The following NRG3 variants were observed in gnomAD, a reference collection of about 807,000 sequenced individuals.
NRG3 encodes pro-neuregulin-3, membrane-bound isoform.
Under a neutral mutation model 66.9 loss-of-function variants are expected in NRG3, and 31 were observed. The ratio of observed to expected loss-of-function variants is 0.46; its 90% confidence interval spans 0.35 to 0.63. The LOEUF (loss-of-function observed/expected upper bound fraction) is 0.63, where lower values mean the gene tolerates loss of function less well. Among genes scored for constraint, NRG3 ranks in the 20% least tolerant of loss-of-function variants. The pLI is 0.00. For missense variants in NRG3, 910 were observed against 878.9 expected (o/e 1.04, Z -0.45); for synonymous variants, 393 against 359.4 (o/e 1.09, Z -1.06).
intron 1 of NRG3, among the ~76,000 whole-genome samples, chr10:82,136,459 T>G (rs549648539): frequency 3.9e-5 from 6 of 152,224 alleles, no homozygotes; most frequent in South Asian, 4.1e-4. Flanking sequence ...AGAAATGCCA[T>G]GCACAAGCCA....
Position 82,941,568 on chromosome 10 carries a change from T to A in NRG3, c.1055-9901T>A, listed in dbSNP as rs146656521. Among the ~76,000 whole-genome samples, 7 of 152,340 alleles carry A rather than the reference T, an allele frequency of 4.6e-5. No homozygotes were observed. In the East Asian group the frequency reaches 1.4e-3, roughly 29 times the overall value. On this transcript the variant is annotated intron_variant, in intron 4 of 8. Transcript: ENST00000372141. ...TGCTTTATCTAACAATAATTAATGC[T>A]GGATTAAATGCACTTAAACTTAATC...
At chr10:82,003,038 C>G (rs944520097) in intron 1 of NRG3, among the ~76,000 whole-genome samples, 2 of 152,050 alleles carry the variant, frequency 1.3e-5, no homozygotes, top group Non-Finnish European at 2.9e-5. Context: ...AAAACATTCC[C>G]TAGTTGTGAT....
Position 81,875,430 on chromosome 10 carries a change from G to GGCGGCA in NRG3, c.96_101dup (p.Ala33_Ala34dup). On this transcript the variant is annotated inframe_insertion, in exon 1 of 9. Transcript: ENST00000372141. This position sits in a 1 kb window ranked among gnomAD's most constrained non-coding sequence, Gnocchi z 5.3. ...AGGAGGGCACCGCGGCGGCTGCGGC[G>GGCGGCA]GCGGCAGCGGCGGGCGGGGGCCCGG... is the stretch of plus-strand genomic sequence containing the variant. 1 of 1,126,752 alleles carries GGCGGCA rather than the reference G, an allele frequency of 8.9e-7. No homozygotes were observed. The highest frequency in any genetic ancestry group is 1.1e-6 in the Non-Finnish European group (1 of 922,012). 69.8% of individuals were successfully genotyped at this position (1,126,752 alleles called of 1,614,324 possible).
intron 1 of NRG3, among the ~76,000 whole-genome samples, chr10:82,089,084 T>C (rs1721381731): frequency 6.6e-6 from 1 of 152,054 alleles, no homozygotes. Flanking sequence ...TGGATCTTTA[T>C]TTTCAGGGAC....
intron 1 of NRG3, among the ~76,000 whole-genome samples, chr10:82,099,339 C>T (rs898649433): frequency 6.6e-6 from 1 of 152,224 alleles, no homozygotes; most frequent in Non-Finnish European, 1.5e-5. Flanking sequence ...CTTGAATTGC[C>T]TGTGTAGGAA....
At chr10:82,740,848 AAT>A (rs1181458362) in intron 3 of NRG3, among the ~76,000 whole-genome samples, 3 of 141,274 alleles carry the variant, frequency 2.1e-5, no homozygotes, top group African/African-American at 7.9e-5. Flanking sequence ...AAAAAAAAAA[AAT>A]TATACCTCTC....
At position 82,985,133 on chromosome 10, in the gene NRG3, C is replaced by T. The variant is rs1364264511; in HGVS notation, c.1619C>T (p.Thr540Ile). Residue 540 changes from threonine (T) to isoleucine (I), a missense_variant, in exon 9 of 9, where the codon ACA (threonine) becomes ATA (isoleucine). Coordinates refer to ENST00000372141, the MANE Select transcript of NRG3 (RefSeq NM_001010848.4). Reference protein sequence around the residue: ...SSSGLKTQRNTSINMQLPSRE... With the variant: ...SSSGLKTQRNISINMQLPSRE... Reference sequence around the variant, plus strand: ...AGTGGTTTAAAAACCCAACGAAATACATCAATAAATATGCAACTGCCTTCA... The same window carrying T: ...AGTGGTTTAAAAACCCAACGAAATATATCAATAAATATGCAACTGCCTTCA... The T allele has an allele frequency of 1.2e-6, 2 of 1,613,760 alleles. No individual in the cohort carries two copies. The highest frequency in any genetic ancestry group is 1.7e-5 in the Admixed American group (1 of 59,940).
chr10:82,462,469 A>G (rs1473056115), intron 2 of NRG3, among the ~76,000 whole-genome samples: 1 of 152,182 alleles, frequency 6.6e-6, no homozygotes, highest in African/African-American at 2.4e-5. Flanking sequence ...CCAATAAAGG[A>G]CTTCAGGCAG....
At chr10:82,572,933 G>T (rs2045827333) in intron 2 of NRG3, among the ~76,000 whole-genome samples, 1 of 151,866 alleles carries the variant, frequency 6.6e-6, no homozygotes, top group East Asian at 1.9e-4. Flanking sequence ...CATTCAATTT[G>T]ATGCCAAGGT....
chr10:82,986,894 A>G lies in NRG3; in HGVS notation c.*1289A>G, dbSNP rs1251867693. 1 of 152,196 alleles carries G rather than the reference A, an allele frequency of 6.6e-6. No homozygotes were observed. Among genetic ancestry groups the G allele is most frequent in the Non-Finnish European group, 1.5e-5 (1 of 68,038 alleles). The allele number at this position is 152,196 out of a possible 1,614,324, so 9.4% of individuals were successfully genotyped here. ...TTCGGCTTCTGTGGTTAGTATGGGA[A>G]GAATAAATTGTTGAAATAAAAATAC... On this transcript the variant is annotated 3_prime_UTR_variant, in exon 9 of 9. Transcript: ENST00000372141.
In NRG3 at chr10:82,778,498, C is replaced by G. The variant is rs564363773; in HGVS notation, c.1027+39848C>G. ...GGCAAAATGCCAGAAGCTTATAAAACCATCAGGCCTCACAAACTCACTCAT... is the reference window on the plus strand; with the variant it reads ...GGCAAAATGCCAGAAGCTTATAAAAGCATCAGGCCTCACAAACTCACTCAT... On this transcript the variant is annotated intron_variant, in intron 3 of 8. Coordinates refer to ENST00000372141, the MANE Select transcript of NRG3 (RefSeq NM_001010848.4). Among the ~76,000 whole-genome samples the G allele has an allele frequency of 3.8e-4, 58 of 152,210 alleles. No homozygotes were observed. The South Asian group carries it at 0.012, about 30-fold the overall frequency.
chr10:81,939,569 C>T (rs1415429845), intron 1 of NRG3, among the ~76,000 whole-genome samples: 1 of 151,708 alleles, frequency 6.6e-6, no homozygotes, highest in Non-Finnish European at 1.5e-5. Context: ...TTAGTTATAG[C>T]AATATCTTAT....
chr10:82,313,953 C>A (rs1006139116), intron 1 of NRG3, among the ~76,000 whole-genome samples: 2 of 152,110 alleles, frequency 1.3e-5, no homozygotes, highest in African/African-American at 4.8e-5. Flanking sequence ...AACCTGTCTT[C>A]TATTAAAAAA....
intron 1 of NRG3, among the ~76,000 whole-genome samples, chr10:81,937,428 C>G (rs1385899810): frequency 6.6e-6 from 1 of 152,086 alleles, no homozygotes; most frequent in Non-Finnish European, 1.5e-5. Context: ...TTCTTACCAA[C>G]ATTTATTATT....
At chr10:82,162,896 G>C (rs1266155385) in intron 1 of NRG3, among the ~76,000 whole-genome samples, 1 of 152,134 alleles carries the variant, frequency 6.6e-6, no homozygotes, top group Non-Finnish European at 1.5e-5. Context: ...ACTAAACCAT[G>C]TGAATCTCCT....
intron 4 of NRG3, among the ~76,000 whole-genome samples, chr10:82,887,694 G>T (rs1308692556): frequency 6.6e-6 from 1 of 152,188 alleles, no homozygotes; most frequent in Non-Finnish European, 1.5e-5. Flanking sequence ...AATGTGCTAG[G>T]CATGATGCCA....
intron 2 of NRG3, among the ~76,000 whole-genome samples, chr10:82,718,900 T>G (rs1373138525): frequency 6.6e-6 from 1 of 152,206 alleles, no homozygotes; most frequent in Non-Finnish European, 1.5e-5. Flanking sequence ...TAGTGCAAAT[T>G]TTTTTAGATC....
At position 82,140,857 on chromosome 10, in the gene NRG3, G is replaced by A. The variant is rs1370493212; in HGVS notation, c.824-217882G>A. Among the ~76,000 whole-genome samples the A allele has an allele frequency of 2.6e-5, 4 of 152,238 alleles. No homozygotes were observed. In the East Asian group the frequency reaches 5.8e-4, roughly 22 times the overall value. On this transcript the variant is annotated intron_variant, in intron 1 of 8. Transcript: ENST00000372141. ...TTGTGCTGCTAATGTCTCTTAGGGC[G>A]ATTTTAAAACAAACTAAAAATATGA...
At chr10:82,703,856 C>T (rs2056087507) in intron 2 of NRG3, among the ~76,000 whole-genome samples, 1 of 152,012 alleles carries the variant, frequency 6.6e-6, no homozygotes, top group African/African-American at 2.4e-5. Flanking sequence ...TTTAGGCACC[C>T]AGAACTGGTT....
Sources: gnomAD v4.1 joint callset for allele counts (sites outside exome capture counted in the v4.1 genomes callset) on GRCh38, gnomAD v4.1.1 for gene constraint, Gnocchi (gnomAD v3.1) non-coding constraint, MANE v1.5 for transcripts, NCBI Gene and HGNC (gene_info 2026-07-23, HGNC 2026-07-21) for gene names.